The following SUMF1 variants were observed in gnomAD, a reference collection of about 807,000 sequenced individuals.
SUMF1 encodes the protein sulfatase modifying factor 1.
SUMF1 carries 48 observed loss-of-function variants against 47.6 expected under a neutral mutation model. The ratio of observed to expected loss-of-function variants is 1.01; its 90% CI spans 0.80 to 1.28. SUMF1 has a LOEUF of 1.28. SUMF1 is among the 50% of genes most tolerant of loss of function. SUMF1 has a pLI of 0.00. For missense variants in SUMF1, 571 were observed against 485.4 expected, an observed-to-expected ratio of 1.18 and a Z score of -1.66; for synonymous variants, 230 against 192.1, an observed-to-expected ratio of 1.20 and a Z score of -1.63.
At chr3:4,112,129 G>T (rs184744570) in intron 8 of SUMF1, among the ~76,000 whole-genome samples, 1 of 152,142 alleles carries the variant, frequency 6.6e-6, no homozygotes. Context: ...GTGCAGACTA[G>T]CCTTAAACTC....
chr3:4,326,018 C>T (rs1206853822), intron 8 of SUMF1, among the ~76,000 whole-genome samples: 2 of 152,160 alleles, frequency 1.3e-5, no homozygotes, highest in African/African-American at 4.8e-5. Flanking sequence ...AACAGGGTTT[C>T]ACCATGTTGG....
intron 9 of SUMF1, among the ~76,000 whole-genome samples, chr3:4,065,469 C>G (rs1695354391): frequency 6.6e-6 from 1 of 152,160 alleles, no homozygotes; most frequent in Non-Finnish European, 1.5e-5. Flanking sequence ...TAAGGCAAGA[C>G]AAACAGAACC....
chr3:4,122,782 G>A (rs528947638), intron 8 of SUMF1, among the ~76,000 whole-genome samples: 2 of 152,152 alleles, frequency 1.3e-5, no homozygotes, highest in Admixed American at 6.6e-5. Flanking sequence ...GGTTGAAAGG[G>A]AAAACTGCCT....
chr3:4,259,581 A>G (rs1697041052), intron 8 of SUMF1, among the ~76,000 whole-genome samples: 1 of 152,066 alleles, frequency 6.6e-6, no homozygotes, highest in African/African-American at 2.4e-5. Flanking sequence ...TGTTTTTTCT[A>G]TCAATACATC....
chr3:4,432,190 C>G (rs1254680137), intron 3 of SUMF1, among the ~76,000 whole-genome samples: 1 of 151,498 alleles, frequency 6.6e-6, no homozygotes. Context: ...TTCCCAGGAA[C>G]TCCAATCTCA....
At chr3:4,254,862 G>A (rs992602139) in intron 8 of SUMF1, among the ~76,000 whole-genome samples, 2 of 152,068 alleles carry the variant, frequency 1.3e-5, no homozygotes, top group African/African-American at 2.4e-5. Context: ...GGCAGCCAGA[G>A]AGAAAGGTCG....
intron 8 of SUMF1, among the ~76,000 whole-genome samples, chr3:4,281,220 A>C (rs1230286241): frequency 6.6e-6 from 1 of 152,150 alleles, no homozygotes; most frequent in Non-Finnish European, 1.5e-5. Context: ...AAGCCACAGA[A>C]AGACCACTCT....
intron 7 of SUMF1, among the ~76,000 whole-genome samples, chr3:4,397,578 G>T (rs1701077944): frequency 6.6e-6 from 1 of 152,140 alleles, no homozygotes; most frequent in Non-Finnish European, 1.5e-5. Context: ...TATTTTCAGA[G>T]AACCACTTGA....
chr3:4,230,368 C>A (rs931470964), intron 8 of SUMF1, among the ~76,000 whole-genome samples: 2 of 152,200 alleles, frequency 1.3e-5, no homozygotes, highest in East Asian at 3.9e-4. Context: ...TCTGTCTTGG[C>A]AACAAAAGAA....
chr3:4,136,810 A>C (rs1421638376), intron 8 of SUMF1, among the ~76,000 whole-genome samples: 11 of 151,886 alleles, frequency 7.2e-5, no homozygotes, highest in Non-Finnish European at 2.9e-5. Context: ...AAGTGGGCAA[A>C]GGATATGAAC....
intron 8 of SUMF1, among the ~76,000 whole-genome samples, chr3:4,173,804 C>G (rs1694890164): frequency 6.6e-6 from 1 of 151,972 alleles, no homozygotes; most frequent in Non-Finnish European, 1.5e-5. Flanking sequence ...CCGCATGTCC[C>G]CACTCATAAG....
intron 8 of SUMF1, among the ~76,000 whole-genome samples, chr3:4,241,039 C>T (rs1023319086): frequency 6.6e-6 from 1 of 151,944 alleles, no homozygotes; most frequent in Non-Finnish European, 1.5e-5. Context: ...GTAGAAAGCA[C>T]ATTTATATCA....
intron 8 of SUMF1, among the ~76,000 whole-genome samples, chr3:4,349,925 C>G (rs1234278672): frequency 6.7e-6 from 1 of 149,850 alleles, no homozygotes; most frequent in Admixed American, 6.6e-5. Flanking sequence ...AACAAACCTG[C>G]ACGTTCTGTA....
At chr3:4,201,780 T>G in intron 8 of SUMF1, among the ~76,000 whole-genome samples, 1 of 152,046 alleles carries the variant, frequency 6.6e-6, no homozygotes, top group East Asian at 1.9e-4. Context: ...GGTTCCCTTT[T>G]CTCCACATCC....
intron 8 of SUMF1, among the ~76,000 whole-genome samples, chr3:4,119,617 A>G (rs1338822555): frequency 6.6e-6 from 1 of 152,084 alleles, no homozygotes; most frequent in Non-Finnish European, 1.5e-5. Flanking sequence ...ATTCTTCTTC[A>G]GTGTTCCCAA....
intron 8 of SUMF1, among the ~76,000 whole-genome samples, chr3:4,175,734 C>G (rs773276501): frequency 6.6e-6 from 1 of 152,118 alleles, no homozygotes; most frequent in Non-Finnish European, 1.5e-5. Flanking sequence ...TAATAACAAA[C>G]TTCTCCGAGC....
At chr3:4,251,486 T>C (rs1357582171) in intron 8 of SUMF1, among the ~76,000 whole-genome samples, 1 of 152,208 alleles carries the variant, frequency 6.6e-6, no homozygotes, top group Non-Finnish European at 1.5e-5. Context: ...GACTCAAATT[T>C]TGAAAGAAGT....
At chr3:4,110,298 G>A (rs1288804788) in intron 8 of SUMF1, among the ~76,000 whole-genome samples, 1 of 152,072 alleles carries the variant, frequency 6.6e-6, no homozygotes, top group Non-Finnish European at 1.5e-5. Context: ...TTGTCTCAGA[G>A]GAGTACCCAG....
intron 3 of SUMF1, among the ~76,000 whole-genome samples, chr3:4,438,748 C>G (rs182215965): frequency 1.3e-5 from 2 of 151,840 alleles, no homozygotes; most frequent in South Asian, 4.1e-4. Context: ...TAAGATCAAG[C>G]AGAAGGGAAA....
Sources: allele counts gnomAD v4.1 joint callset (sites outside exome capture counted in the v4.1 genomes callset), GRCh38; gene constraint gnomAD v4.1.1; transcripts MANE v1.5; gene names NCBI Gene and HGNC (gene_info 2026-07-23, HGNC 2026-07-21).